ADGB: variants seen among roughly 807,000 people sequenced by gnomAD.
The protein encoded by ADGB is calpain-7-like protein.
Under a neutral mutation model 210.5 loss-of-function variants are expected in ADGB, and 172 were observed. The ratio of observed to expected loss-of-function variants is 0.82; its 90% CI spans 0.72 to 0.93. The LOEUF (loss-of-function observed/expected upper bound fraction) is 0.93. Ranked by LOEUF, ADGB falls within the 40% of genes least tolerant of loss-of-function variation. ADGB has a pLI of 0.00. For missense variants in ADGB, 2,025 were observed against 1,964.8 expected (o/e 1.03, Z -0.58); for synonymous variants, 658 against 662.7 (o/e 0.99, Z 0.11).
intron 22 of ADGB, among the ~76,000 whole-genome samples, chr6:146,735,891 A>G (rs926994938): frequency 6.6e-6 from 1 of 152,236 alleles, no homozygotes; most frequent in Non-Finnish European, 1.5e-5. Context: ...TACTCTGATG[A>G]ATCTTGTATT....
At chr6:146,812,607 G>A (rs150718807) in intron 35 of ADGB, among the ~76,000 whole-genome samples, 2,056 of 152,282 alleles carry the variant, frequency 0.014, 8 homozygotes, top group African/African-American at 0.047. Context: ...CAACCATGCA[G>A]ACATCTCAGG....
chr6:146,679,005 T>TTC (rs1162368980), intron 9 of ADGB, among the ~76,000 whole-genome samples: 3 of 152,228 alleles, frequency 2.0e-5, no homozygotes, highest in Non-Finnish European at 4.4e-5. Flanking sequence ...CATTCTAAAG[T>TTC]TCTATACCAG....
chr6:146,755,060 A>G (rs1562293012), intron 27 of ADGB, among the ~76,000 whole-genome samples: 2 of 152,192 alleles, frequency 1.3e-5, no homozygotes, highest in East Asian at 3.9e-4. Context: ...GTTGCTAGTT[A>G]TGTAAGTTTC....
chr6:146,718,899 T>C (rs980741643), intron 16 of ADGB, among the ~76,000 whole-genome samples: 2 of 151,950 alleles, frequency 1.3e-5, no homozygotes, highest in Non-Finnish European at 2.9e-5. Flanking sequence ...TCCTGGAGTA[T>C]GTGAAAACAC....
intron 13 of ADGB, among the ~76,000 whole-genome samples, chr6:146,703,108 T>G (rs1357877816): frequency 6.6e-6 from 1 of 151,870 alleles, no homozygotes; most frequent in Non-Finnish European, 1.5e-5. Flanking sequence ...GCTTATGTCT[T>G]TTGCCTAATT....
At position 146,644,874 on chromosome 6, in the gene ADGB, G is replaced by C. The variant is rs531750493; in HGVS notation, c.330+9G>C. 1.3e-5 allele frequency: 18 copies of C among 1,431,872 alleles called. No homozygotes were observed. In the South Asian group the frequency reaches 2.7e-4, roughly 22 times the overall value. The allele number at this position is 1,431,872 out of a possible 1,614,324, so 88.7% of individuals were successfully genotyped here. On this transcript the variant is annotated intron_variant, in intron 3 of 35. Coordinates refer to ENST00000397944, the MANE Select transcript of ADGB (RefSeq NM_024694.4). ...ATATTTTATTTAGTCAGGTAAGAAA[G>C]TTTTTTCTATTAAATAAAATACTTA...
intron 1 of ADGB, among the ~76,000 whole-genome samples, chr6:146,612,503 CACA>C (rs1780726264): frequency 6.6e-6 from 1 of 152,158 alleles, no homozygotes; most frequent in Non-Finnish European, 1.5e-5. Flanking sequence ...TTTTGTGCAT[CACA>C]TTCACGTGGT....
intron 29 of ADGB, among the ~76,000 whole-genome samples, chr6:146,776,728 A>G (rs2114638662): frequency 6.6e-6 from 1 of 152,222 alleles, no homozygotes; most frequent in East Asian, 1.9e-4. Flanking sequence ...TTGAGATTCA[A>G]TTTCAGCTGA....
At chr6:146,603,293 G>A (rs1375303753) in intron 1 of ADGB, among the ~76,000 whole-genome samples, 1 of 152,160 alleles carries the variant, frequency 6.6e-6, no homozygotes, top group Admixed American at 6.5e-5. Context: ...AGATGCCGCT[G>A]GAGGGATTTG....
Position 146,785,630 on chromosome 6 carries a change from T to C in ADGB, c.4233T>C (p.His1411=), listed in dbSNP as rs1212377089. The change falls in exon 32 of 36, where the codon CAT becomes CAC. Residue 1411 remains histidine, a synonymous_variant. Transcript: ENST00000397944. ...RAIKASQARL[H]YLSGFIKKTS... is the part of the protein sequence containing the mutation. ...TTTAGGCTTCTCAGGCTCGTTTGCA[T>C]TACCTTAGCGGGTTCATTAAGAAAA... is the stretch of plus-strand genomic sequence containing the variant. The C allele has an allele frequency of 1.9e-6, 3 of 1,550,616 alleles. No homozygotes were observed. The highest frequency in any genetic ancestry group is 2.7e-5 in the African/African-American group (2 of 73,136).
chr6:146,602,837 A>G (rs941717294), intron 1 of ADGB, among the ~76,000 whole-genome samples: 2 of 152,204 alleles, frequency 1.3e-5, no homozygotes, highest in Admixed American at 1.3e-4. Flanking sequence ...TAAACTGTGC[A>G]TACAAGGGAT....
At position 146,732,675 on chromosome 6, in the gene ADGB, A is replaced by G. The variant is rs550000488; in HGVS notation, c.2521-445A>G. Among the ~76,000 whole-genome samples, 3 of 152,290 alleles carry G rather than the reference A, an allele frequency of 2.0e-5. No homozygotes were observed. The East Asian group carries it at 5.8e-4, about 29-fold the overall frequency. On this transcript the variant is annotated intron_variant, in intron 20 of 35. Transcript: ENST00000397944. ...TTAAATAAGTCTAAAAGTTTTTTCAATATGAGGTTAGTACTACTATTAAGT... is the reference window on the plus strand; with the variant it reads ...TTAAATAAGTCTAAAAGTTTTTTCAGTATGAGGTTAGTACTACTATTAAGT...
Position 146,785,700 on chromosome 6 carries a change from C to T in ADGB, c.4303C>T (p.Pro1435Ser). ...SPPISESQTK[P>S]KEEVETAARG... ...GCCTATATCTGAAAGCCAAACTAAA[C>T]CAAAAGAAGAAGGTGAGTGGATCCT... Residue 1435 changes from proline to serine, a missense_variant, in exon 32 of 36, where the codon CCA becomes TCA. By Grantham distance (74) the Pro-to-Ser change is moderately conservative. Coordinates refer to ENST00000397944, the MANE Select transcript of ADGB (RefSeq NM_024694.4). 3.2e-6 allele frequency: 5 copies of T among 1,549,474 alleles called. No homozygotes were observed. The highest frequency in any genetic ancestry group is 4.4e-6 in the Non-Finnish European group (5 of 1,145,454).
At chr6:146,677,079 A>T (rs1226405410) in intron 9 of ADGB, among the ~76,000 whole-genome samples, 1 of 152,096 alleles carries the variant, frequency 6.6e-6, no homozygotes, top group Non-Finnish European at 1.5e-5. Context: ...AATCTTTCCA[A>T]TTTGGACTTA....
At chr6:146,706,296 TG>T in intron 13 of ADGB, among the ~76,000 whole-genome samples, 1 of 150,732 alleles carries the variant, frequency 6.6e-6, no homozygotes, top group African/African-American at 2.4e-5. Context: ...AGTCTTGCTC[TG>T]TGGCCAGGCT....
chr6:146,601,851 C>A (rs73588035), intron 1 of ADGB, among the ~76,000 whole-genome samples: 2,724 of 152,236 alleles, frequency 0.018, 68 homozygotes, highest in African/African-American at 0.062. Flanking sequence ...TAAAAAAAGT[C>A]ACCATGTGCT....
chr6:146,812,894 A>G (rs115679827), intron 35 of ADGB, among the ~76,000 whole-genome samples: 210 of 152,316 alleles, frequency 1.4e-3, no homozygotes, highest in African/African-American at 4.8e-3. Context: ...GCTTTGACAC[A>G]AGGTTGTGAA....
At chr6:146,694,290 G>C (rs1387735642) in intron 12 of ADGB, among the ~76,000 whole-genome samples, 2 of 152,148 alleles carry the variant, frequency 1.3e-5, no homozygotes, top group Non-Finnish European at 2.9e-5. Context: ...TAGAGGCTGG[G>C]AAGTCCAAGA....
At chr6:146,623,679 A>G (rs1780931900) in intron 1 of ADGB, among the ~76,000 whole-genome samples, 1 of 151,890 alleles carries the variant, frequency 6.6e-6, no homozygotes, top group Non-Finnish European at 1.5e-5. Context: ...TAGGTGGGCA[A>G]AGCATTCAGT....
Sources: gnomAD v4.1 joint callset for allele counts (sites outside exome capture counted in the v4.1 genomes callset) on GRCh38, gnomAD v4.1.1 for gene constraint, MANE v1.5 for transcripts, NCBI Gene and HGNC (gene_info 2026-07-23, HGNC 2026-07-21) for gene names.